The following ZSWIM4 variants were observed in gnomAD, a reference collection of about 807,000 sequenced individuals.
The protein encoded by ZSWIM4 is zinc finger SWIM-type containing 4, also known as zinc finger SWIM domain-containing protein 4.
A neutral mutation model predicts 102.5 loss-of-function variants in ZSWIM4; 62 were observed. The ratio of observed to expected loss-of-function variants is 0.60; its 90% confidence interval spans 0.49 to 0.75. The LOEUF (loss-of-function observed/expected upper bound fraction) is 0.75. Ranked by LOEUF, ZSWIM4 falls within the 30% of genes least tolerant of loss-of-function variation. ZSWIM4 has a pLI of 0.00. For missense variants in ZSWIM4, 1,280 were observed against 1,529.6 expected (o/e 0.84, Z 2.72); for synonymous variants, 652 against 674.5 (o/e 0.97, Z 0.52).
chr19:13,819,120 T>C (rs1317689641), intron 9 of ZSWIM4, among the ~76,000 whole-genome samples: 3 of 152,148 alleles, frequency 2.0e-5, no homozygotes, highest in Non-Finnish European at 4.4e-5. Flanking sequence ...AGCCTCGGCC[T>C]CCCAAAGTGC....
At position 13,809,371 on chromosome 19, in the gene ZSWIM4, T is replaced by TTTA; in HGVS notation, c.1012+151_1012+152insTTA. Reference sequence around the variant, plus strand: ...GCCTCTAAAGTGCCAGGCATGGTACTGGGCACTGGTGGTCCGGCAGAGAAC... The same window carrying TTTA: ...GCCTCTAAAGTGCCAGGCATGGTACTTTAGGGCACTGGTGGTCCGGCAGAGAAC... On this transcript the variant is annotated intron_variant, in intron 5 of 13. Transcript: ENST00000590508. The surrounding 1 kb of genome is among the most constrained non-coding windows in gnomAD (Gnocchi z 4.2). 1 of 1,089,256 alleles carries TTTA rather than the reference T, an allele frequency of 9.2e-7. No individual in the cohort carries two copies. The highest frequency in any genetic ancestry group is 1.3e-6 in the Non-Finnish European group (1 of 785,092). The allele number at this position is 1,089,256 out of a possible 1,614,324, so 67.5% of individuals were successfully genotyped here.
chr19:13,832,254 A>AAAAAAAAAG (rs869120344), downstream of ZSWIM4: 1 of 147,600 alleles, frequency 6.8e-6, no homozygotes, highest in African/African-American at 2.5e-5. Context: ...AAAAAAAAAA[A>AAAAAAAAAG]TGTCTGGCCT....
intron 13 of ZSWIM4, among the ~76,000 whole-genome samples, chr19:13,829,351 G>A (rs1975695135): frequency 6.6e-6 from 1 of 152,132 alleles, no homozygotes; most frequent in Non-Finnish European, 1.5e-5. Flanking sequence ...AGCACTTTGG[G>A]AGGCCAAGGC....
Position 13,817,937 on chromosome 19 carries a change from G to A in ZSWIM4, c.1885G>A (p.Val629Met). The A allele has an allele frequency of 6.5e-7, 1 of 1,538,616 alleles. No individual in the cohort carries two copies. ...LEEVELDERL[V>M]QVLRKQAGLL... Reference sequence around the variant, plus strand: ...GGAGGTGGAGTTGGATGAGCGGTTGGTGCAGGTGCTGCGCAAGCAGGCGGG... The same window carrying A: ...GGAGGTGGAGTTGGATGAGCGGTTGATGCAGGTGCTGCGCAAGCAGGCGGG... Residue 629 changes from valine to methionine, a missense_variant, in exon 9 of 14, where the codon GTG becomes ATG. Val to Met is a conservative substitution (Grantham distance 21). Transcript: ENST00000590508.
chr19:13,805,596 T>C (rs8106232), intron 3 of ZSWIM4, among the ~76,000 whole-genome samples: 2,730 of 151,714 alleles, frequency 0.018, 76 homozygotes, highest in African/African-American at 0.063. Context: ...GGGGCTTGGG[T>C]TGCCTAGCTA....
chr19:13,823,392 A>G lies in ZSWIM4; in HGVS notation c.2107A>G (p.Ser703Gly). The change falls in exon 11 of 14, where the codon AGC (serine) becomes GGC (glycine). Residue 703 changes from serine to glycine, a missense_variant. Ser to Gly is a moderately conservative substitution (Grantham distance 56). Coordinates refer to ENST00000590508, the MANE Select transcript of ZSWIM4 (RefSeq NM_001367834.3). ...ATTTCCTGCTGGAGAACCTCATCCCAGCCCGCTGGACTCCATCATGAGCAA... is the reference window on the plus strand; with the variant it reads ...ATTTCCTGCTGGAGAACCTCATCCCGGCCCGCTGGACTCCATCATGAGCAA... ...TAFPAGEPHP[S>G]PLDSIMSNRF... 6.2e-7 allele frequency: 1 copy of G among 1,613,884 alleles called. No individual in the cohort carries two copies. The highest frequency in any genetic ancestry group is 8.5e-7 in the Non-Finnish European group (1 of 1,179,904).
chr19:13,798,074 T>G (rs905748501), intron 1 of ZSWIM4, among the ~76,000 whole-genome samples: 1 of 152,250 alleles, frequency 6.6e-6, no homozygotes, highest in Non-Finnish European at 1.5e-5. Flanking sequence ...GCTGTGAGAA[T>G]TTGGAAATTA....
chr19:13,809,058 T>C lies in ZSWIM4; in HGVS notation c.862-12T>C, dbSNP rs746359262. On this transcript the variant is annotated splice_polypyrimidine_tract_variant and intron_variant, in intron 4 of 13. Transcript: ENST00000590508. This position sits in a 1 kb window ranked among gnomAD's most constrained non-coding sequence, Gnocchi z 4.2. The stretch of plus-strand genomic sequence containing the variant: ...GCCCCAGCCCTTCCTCACCACCCTG[T>C]CCCCGGCACAGGTGCGGGAGATGCT... 5.0e-6 allele frequency: 8 copies of C among 1,610,582 alleles called. No homozygotes were observed. Among genetic ancestry groups the C allele is most frequent in the Non-Finnish European group, 5.1e-6 (6 of 1,177,680 alleles).
rs376829447 is a variant in ZSWIM4, at chr19:13,830,424, C to G, written c.2695C>G (p.His899Asp). 6.2e-7 allele frequency: 1 copy of G among 1,610,802 alleles called. No individual in the cohort carries two copies. The highest frequency in any genetic ancestry group is 1.3e-5 in the African/African-American group (1 of 75,056). Residue 899 changes from histidine (H) to aspartate (D), a missense_variant, in exon 14 of 14, where the codon CAC (histidine) becomes GAC (aspartate). Coordinates refer to ENST00000590508, the MANE Select transcript of ZSWIM4 (RefSeq NM_001367834.3). ...LPALTLCEKN[H>D]SAFEAAYQIV... ...TGCCCTGACCCTGTGCGAGAAGAAC[C>G]ACTCGGCCTTCGAGGCGGCCTACCA... is the stretch of plus-strand genomic sequence containing the variant.
intron 10 of ZSWIM4, among the ~76,000 whole-genome samples, chr19:13,821,071 G>T (rs900418547): frequency 1.9e-4 from 29 of 152,120 alleles, no homozygotes; most frequent in Non-Finnish European, 5.9e-5. Flanking sequence ...ATCACCTGAG[G>T]TCATGAGTTT....
At chr19:13,815,578 C>T (rs1599601917) in intron 7 of ZSWIM4, among the ~76,000 whole-genome samples, 1 of 141,676 alleles carries the variant, frequency 7.1e-6, no homozygotes, top group East Asian at 2.3e-4. Flanking sequence ...TCAAGCAATT[C>T]TCCGGCCTCA....
At chr19:13,798,342 C>T (rs1974664684) in intron 1 of ZSWIM4, among the ~76,000 whole-genome samples, 1 of 151,994 alleles carries the variant, frequency 6.6e-6, no homozygotes, top group Admixed American at 6.6e-5. Context: ...GACATGGGGT[C>T]TCACTATGTT....
In ZSWIM4 at chr19:13,809,476, C is replaced by G. The variant is rs1975015423; in HGVS notation, c.1012+256C>G. Among the ~76,000 whole-genome samples the G allele has an allele frequency of 6.6e-6, 1 of 152,240 alleles. No individual in the cohort carries two copies. Among genetic ancestry groups the G allele is most frequent in the African/African-American group, 2.4e-5 (1 of 41,470 alleles). The stretch of plus-strand genomic sequence containing the variant: ...TGTCATTGGCCCAGGGGTTGATACA[C>G]ACGTACACACGTTTTCTTTGTTTTG... On this transcript the variant is annotated intron_variant, in intron 5 of 13. Transcript: ENST00000590508. This position sits in a 1 kb window ranked among gnomAD's most constrained non-coding sequence, Gnocchi z 4.2.
intron 3 of ZSWIM4, among the ~76,000 whole-genome samples, chr19:13,807,727 A>T (rs943264143): frequency 1.2e-4 from 17 of 147,642 alleles, no homozygotes; most frequent in Admixed American, 1.0e-3. Context: ...GCATGGATGG[A>T]TGGACAGATG....
In ZSWIM4 at chr19:13,819,385, G is replaced by A. The variant is rs938673428; in HGVS notation, c.1953G>A (p.Val651=). 4.3e-6 allele frequency: 7 copies of A among 1,613,768 alleles called. No individual in the cohort carries two copies. In the African/African-American group the frequency reaches 5.3e-5, roughly 12 times the overall value. The change falls in exon 10 of 14, where the codon GTG becomes GTA. Residue 651 remains valine (V), a synonymous_variant. Coordinates refer to ENST00000590508, the MANE Select transcript of ZSWIM4 (RefSeq NM_001367834.3). The stretch of plus-strand genomic sequence containing the variant: ...GTCCCTTCAGTGGCTTTGGGGAGGT[G>A]CTGTTCCGGGAGAGCGTGCCCATGC... ...EGGPFSGFGE[V]LFRESVPMHT... is the part of the protein sequence containing the mutation.
Position 13,825,814 on chromosome 19 carries a change from C to T in ZSWIM4, c.2379+101C>T, listed in dbSNP as rs1044286092. The T allele has an allele frequency of 1.1e-5, 16 of 1,419,090 alleles. No individual in the cohort carries two copies. The highest frequency in any genetic ancestry group is 2.8e-5 in the African/African-American group (2 of 70,356). The allele number at this position is 1,419,090 out of a possible 1,614,324, so 87.9% of individuals were successfully genotyped here. On this transcript the variant is annotated intron_variant, in intron 12 of 13. Transcript: ENST00000590508. This position sits in a 1 kb window ranked among gnomAD's most constrained non-coding sequence, Gnocchi z 4.6. ...GGCATGGGCTGAGTGTGAGCCACTT[C>T]GCTGGGGGCCCGGCATTTGCGTGAG...
At chr19:13,806,696 G>T (rs554899999) in intron 3 of ZSWIM4, among the ~76,000 whole-genome samples, 2 of 151,842 alleles carry the variant, frequency 1.3e-5, no homozygotes, top group Admixed American at 1.3e-4. Flanking sequence ...GGGAAGGACA[G>T]AACTGGTGGT....
rs1183415050 is a variant in ZSWIM4, at chr19:13,817,803, C to T, written c.1751C>T (p.Ala584Val). The T allele has an allele frequency of 6.3e-7, 1 of 1,588,490 alleles. No homozygotes were observed. Among genetic ancestry groups the T allele is most frequent in the Non-Finnish European group, 8.6e-7 (1 of 1,168,824 alleles). ...GSPGESYLVL[A>V]LEVALLGLGQ... ...CCTGGGGAGTCCTACTTGGTGCTGG[C>T]GCTGGAGGTGGCACTGCTGGGGCTG... is the stretch of plus-strand genomic sequence containing the variant. Residue 584 changes from alanine (A) to valine (V), a missense_variant, in exon 9 of 14, where the codon GCG becomes GTG. Physicochemically the swap from Ala to Val is moderately conservative, Grantham distance 64. Transcript: ENST00000590508.
Position 13,825,954 on chromosome 19 carries a change from A to G in ZSWIM4, c.2379+241A>G, listed in dbSNP as rs907147715. Among the ~76,000 whole-genome samples, 1 of 150,958 alleles carries G rather than the reference A, an allele frequency of 6.6e-6. No homozygotes were observed. Among genetic ancestry groups the G allele is most frequent in the Non-Finnish European group, 1.5e-5 (1 of 67,668 alleles). On this transcript the variant is annotated intron_variant, in intron 12 of 13. Coordinates refer to ENST00000590508, the MANE Select transcript of ZSWIM4 (RefSeq NM_001367834.3). The surrounding 1 kb of genome is among the most constrained non-coding windows in gnomAD (Gnocchi z 4.6). Reference sequence around the variant, plus strand: ...TGGGCCACTTCCTTGGGGGCGTGGCATGAGTGAGCCACTCCCCTGGGAATG... The same window carrying G: ...TGGGCCACTTCCTTGGGGGCGTGGCGTGAGTGAGCCACTCCCCTGGGAATG...
Sources: allele counts gnomAD v4.1 joint callset (sites outside exome capture counted in the v4.1 genomes callset), GRCh38; gene constraint gnomAD v4.1.1; non-coding constraint Gnocchi (gnomAD v3.1); transcripts MANE v1.5; gene names NCBI Gene and HGNC (gene_info 2026-07-23, HGNC 2026-07-21).